The following PCSK6 variants were observed in gnomAD, a reference collection of about 807,000 sequenced individuals.
PCSK6 encodes the protein proprotein convertase subtilisin/kexin type 6, also known as paired basic amino acid cleaving enzyme 4.
PCSK6 carries 85 observed loss-of-function variants against 123.3 expected under a neutral mutation model. The observed-to-expected ratio is 0.69, with a 90% CI of 0.58 to 0.83. The LOEUF is 0.83. PCSK6 is among the 40% of genes least tolerant of loss of function. PCSK6 has a pLI of 0.00. For synonymous variants in PCSK6, 508 were observed against 516.0 expected, an observed-to-expected ratio of 0.98 and a Z score of 0.21; for missense variants, 1,191 against 1,282.3, an observed-to-expected ratio of 0.93 and a Z score of 1.09.
chr15:101,334,547 G>C (rs946481373), intron 13 of PCSK6: 5 of 152,226 alleles, frequency 3.3e-5, no homozygotes, highest in Non-Finnish European at 4.4e-5. Context: ...AGCTCCTTAG[G>C]GTCCAGTTAC....
intron 1 of PCSK6, among the ~76,000 whole-genome samples, chr15:101,450,800 G>A (rs28612227): frequency 0.041 from 6,195 of 152,110 alleles, 403 homozygotes; most frequent in African/African-American, 0.14. Context: ...CTGTGAGGTC[G>A]GGAGGAGGCT....
At chr15:101,431,507 C>T (rs1359761484) in intron 3 of PCSK6, 44 bp from the exon 4 acceptor site, 1 of 1,611,352 alleles carries the variant, frequency 6.2e-7, no homozygotes, top group African/African-American at 1.3e-5. Context: ...ATGGACATTC[C>T]AGATGCAGAA....
At chr15:101,449,658 G>A (rs1442729182) in intron 1 of PCSK6, among the ~76,000 whole-genome samples, 1 of 152,170 alleles carries the variant, frequency 6.6e-6, no homozygotes, top group East Asian at 1.9e-4. Context: ...CATGTGGGTG[G>A]GGGCTTGGCC....
intron 2 of PCSK6, among the ~76,000 whole-genome samples, chr15:101,434,123 A>G (rs993941211): frequency 2.0e-5 from 3 of 152,192 alleles, no homozygotes; most frequent in African/African-American, 7.2e-5. Flanking sequence ...CAATGTCCCC[A>G]TATATTACTG....
chr15:101,416,709 G>A lies in PCSK6; in HGVS notation c.823+11183C>T, dbSNP rs141936877. ...ACTTGGTGCACTGTGTCCTAGCCAC[G>A]TCAGTCGTGGCTGAAAGGAGCCAAC... On this transcript the variant is annotated intron_variant, in intron 6 of 21. Coordinates refer to ENST00000611716, the MANE Select transcript of PCSK6 (RefSeq NM_002570.5). 7.7e-3 allele frequency among the ~76,000 whole-genome samples: 1,177 copies of A among 152,354 alleles called. 35 individuals carry two copies. Among genetic ancestry groups the A allele is most frequent in the Admixed American group, 0.061 (937 of 15,302 alleles).
At chr15:101,314,743 G>A (rs954005932) in intron 19 of PCSK6, among the ~76,000 whole-genome samples, 2 of 152,196 alleles carry the variant, frequency 1.3e-5, no homozygotes, top group African/African-American at 4.8e-5. Context: ...TTGAGCAGGA[G>A]GCAGATGTAG....
At chr15:101,369,371 A>G (rs1043132363) in intron 12 of PCSK6, among the ~76,000 whole-genome samples, 4 of 152,354 alleles carry the variant, frequency 2.6e-5, no homozygotes, top group African/African-American at 7.2e-5. Context: ...CCTGTTTCTG[A>G]ATCTCTGCAG....
chr15:101,332,171 C>A, intron 13 of PCSK6, 140 bp from the exon 14 acceptor site: 1 of 716,380 alleles, frequency 1.4e-6, no homozygotes, highest in Non-Finnish European at 2.2e-6. Flanking sequence ...TACCTGCTGG[C>A]CAGCTGTGCA....
intron 15 of PCSK6, among the ~76,000 whole-genome samples, chr15:101,326,820 T>G (rs1180810931): frequency 6.6e-6 from 1 of 152,148 alleles, no homozygotes; most frequent in Non-Finnish European, 1.5e-5. Context: ...CTGGAACAGC[T>G]GTTTCATTCA....
chr15:101,482,590 G>A (rs1210224307), intron 1 of PCSK6, among the ~76,000 whole-genome samples: 1 of 152,198 alleles, frequency 6.6e-6, no homozygotes, highest in African/African-American at 2.4e-5. Flanking sequence ...GGACACTGGA[G>A]AACAGGGTCT....
chr15:101,325,148 A>G, intron 16 of PCSK6, 102 bp from the exon 17 acceptor site: 1 of 755,998 alleles, frequency 1.3e-6, no homozygotes, highest in South Asian at 1.8e-5. Flanking sequence ...TCAGGAGTGA[A>G]TGTCAAACAT....
chr15:101,425,619 C>T (rs79881481), intron 6 of PCSK6, among the ~76,000 whole-genome samples: 3,591 of 134,022 alleles, frequency 0.027, 155 homozygotes, highest in African/African-American at 0.09. Flanking sequence ...ACCATTCCTG[C>T]TGTTGTTTAT....
chr15:101,349,188 G>A (rs1319271696), intron 13 of PCSK6, among the ~76,000 whole-genome samples: 2 of 152,120 alleles, frequency 1.3e-5, no homozygotes, highest in African/African-American at 4.8e-5. Flanking sequence ...CTGCCCCGGG[G>A]GCCTGCAAAA....
In PCSK6 at chr15:101,438,813, C is replaced by T. The variant is rs894444528; in HGVS notation, c.402+4743G>A. 3.1e-4 allele frequency among the ~76,000 whole-genome samples: 47 copies of T among 152,208 alleles called. 1 individual carries two copies. The highest frequency in any genetic ancestry group is 6.5e-5 in the Admixed American group (1 of 15,290). The stretch of plus-strand genomic sequence containing the variant: ...GGGCCAGATCTAGAATACAAACATA[C>T]GACTGCTAGAAGAGCAGGCCAAGTC... On this transcript the variant is annotated intron_variant, in intron 2 of 21. Coordinates refer to ENST00000611716, the MANE Select transcript of PCSK6 (RefSeq NM_002570.5).
intron 20 of PCSK6, chr15:101,313,054 G>A (rs1230993004): frequency 7.1e-6 from 9 of 1,261,220 alleles, no homozygotes; most frequent in Non-Finnish European, 9.1e-6. Context: ...ATTATCGACA[G>A]TGCAAAGGAT....
At chr15:101,401,606 T>A (rs1306207692) in intron 6 of PCSK6, among the ~76,000 whole-genome samples, 1 of 151,894 alleles carries the variant, frequency 6.6e-6, no homozygotes, top group Non-Finnish European at 1.5e-5. Flanking sequence ...TGTGACCAGG[T>A]AGTGACTCTG....
intron 2 of PCSK6, among the ~76,000 whole-genome samples, chr15:101,438,792 C>A (rs1024872741): frequency 6.6e-6 from 1 of 152,184 alleles, no homozygotes; most frequent in Non-Finnish European, 1.5e-5. Flanking sequence ...ACTCTAGGGC[C>A]AGATCTAGAA....
chr15:101,362,958 G>A (rs1468254528), intron 13 of PCSK6, among the ~76,000 whole-genome samples: 3 of 152,206 alleles, frequency 2.0e-5, no homozygotes, highest in African/African-American at 7.2e-5. Flanking sequence ...ATGTGGAAAC[G>A]GTGGGGGACC....
chr15:101,336,553 A>G (rs2040483012), intron 13 of PCSK6, among the ~76,000 whole-genome samples: 1 of 152,274 alleles, frequency 6.6e-6, no homozygotes, highest in South Asian at 2.1e-4. Flanking sequence ...GAAACGGAGC[A>G]TCCTTTTCAT....
Sources: gnomAD v4.1 joint callset for allele counts (sites outside exome capture counted in the v4.1 genomes callset) on GRCh38, gnomAD v4.1.1 for gene constraint, MANE v1.5 for transcripts, NCBI Gene and HGNC (gene_info 2026-07-23, HGNC 2026-07-21) for gene names.